Variants in CAMTA1 observed in about 807,000 individuals in gnomAD.
CAMTA1 encodes the protein calmodulin binding transcription activator 1, also known as calmodulin-binding transcription activator 1.
A neutral mutation model predicts 170.9 loss-of-function variants in CAMTA1; 27 were observed. The observed-to-expected ratio is 0.16, with a 90% confidence interval of 0.12 to 0.22. The LOEUF (loss-of-function observed/expected upper bound fraction) is 0.22, where lower values mean the gene tolerates loss of function less well. Ranked by LOEUF, CAMTA1 falls within the 10% of genes least tolerant of loss-of-function variation. CAMTA1 has a pLI of 1.00. For synonymous variants in CAMTA1, 833 were observed against 891.5 expected (o/e 0.93, Z 1.17); for missense variants, 1,619 against 2,217.2 (o/e 0.73, Z 5.42).
chr1:6,887,872 T>C lies in CAMTA1; in HGVS notation c.234+62662T>C. 7.1e-7 allele frequency: 1 copy of C among 1,412,550 alleles called. No individual in the cohort carries two copies. The allele number at this position is 1,412,550 out of a possible 1,614,324, so 87.5% of individuals were successfully genotyped here. A position where few individuals can be genotyped will look rare whatever the true frequency, so the allele number is the denominator to read the frequency against. ...GAACCGAATGTTACTAAAAATGAAA[T>C]AGAATAAAGTGACCTACTCTTGCCT... On this transcript the variant is annotated intron_variant, in intron 3 of 22. Transcript: ENST00000303635. This position sits in a 1 kb window ranked among gnomAD's most constrained non-coding sequence, Gnocchi z 4.1.
At chr1:7,464,576 G>C (rs935763006) in intron 5 of CAMTA1, among the ~76,000 whole-genome samples, 2 of 152,180 alleles carry the variant, frequency 1.3e-5, no homozygotes, top group Non-Finnish European at 2.9e-5. Flanking sequence ...CTGGGCTGTA[G>C]GGTGGTTTGG....
chr1:7,747,589 A>AT (rs1181724194), intron 18 of CAMTA1, 121 bp from the exon 19 acceptor site: 1 of 564,570 alleles, frequency 1.8e-6, no homozygotes, highest in African/African-American at 1.9e-5. Flanking sequence ...AATTATCAAT[A>AT]TTTTTTGGTA....
At chr1:7,374,040 A>G (rs1208136988) in intron 5 of CAMTA1, among the ~76,000 whole-genome samples, 1 of 152,188 alleles carries the variant, frequency 6.6e-6, no homozygotes, top group Non-Finnish European at 1.5e-5. Context: ...GCCCAGGGAG[A>G]AGGACCCAGA....
chr1:6,946,209 T>C (rs1296479790), intron 3 of CAMTA1, among the ~76,000 whole-genome samples: 8 of 151,930 alleles, frequency 5.3e-5, no homozygotes, highest in Non-Finnish European at 7.4e-5. Flanking sequence ...TTTCTTTTTT[T>C]AGAGACAAGG....
At chr1:7,097,690 C>T (rs959047307) in intron 4 of CAMTA1, among the ~76,000 whole-genome samples, 4 of 152,254 alleles carry the variant, frequency 2.6e-5, no homozygotes, top group Non-Finnish European at 5.9e-5. Context: ...AAATGCAATT[C>T]TGACACCTGC....
At chr1:6,941,348 A>G (rs1571905801) in intron 3 of CAMTA1, among the ~76,000 whole-genome samples, 1 of 152,138 alleles carries the variant, frequency 6.6e-6, no homozygotes, top group African/African-American at 2.4e-5. Flanking sequence ...GCCTTCTTGA[A>G]TCGCACACTT....
chr1:7,088,434 G>A (rs144610712), intron 3 of CAMTA1, among the ~76,000 whole-genome samples: 17 of 152,304 alleles, frequency 1.1e-4, no homozygotes, highest in African/African-American at 3.8e-4. Flanking sequence ...TGACTTGCCT[G>A]TACCCATCGC....
intron 4 of CAMTA1, among the ~76,000 whole-genome samples, chr1:7,186,563 G>T (rs1653314621): frequency 6.6e-6 from 1 of 152,166 alleles, no homozygotes; most frequent in African/African-American, 2.4e-5. Context: ...TGAGAATCTG[G>T]TGACCTGGGT....
chr1:6,798,034 T>C (rs954158601), intron 1 of CAMTA1, among the ~76,000 whole-genome samples: 4 of 151,210 alleles, frequency 2.6e-5, no homozygotes, highest in African/African-American at 9.7e-5. Context: ...CTTGCTCTTG[T>C]CCCCCAGGCT....
At chr1:7,298,604 C>T (rs969781289) in intron 5 of CAMTA1, among the ~76,000 whole-genome samples, 1 of 152,078 alleles carries the variant, frequency 6.6e-6, no homozygotes, top group Non-Finnish European at 1.5e-5. Flanking sequence ...CTAAAGGGCC[C>T]CAGGTTACCA....
chr1:7,270,633 A>G (rs1234660772), intron 5 of CAMTA1, among the ~76,000 whole-genome samples: 1 of 152,160 alleles, frequency 6.6e-6, no homozygotes, highest in Non-Finnish European at 1.5e-5. Context: ...AGGCTGATAG[A>G]AAATGTTACA....
intron 7 of CAMTA1, among the ~76,000 whole-genome samples, chr1:7,652,671 G>A (rs963341577): frequency 5.3e-5 from 8 of 152,138 alleles, no homozygotes; most frequent in East Asian, 1.9e-4. Context: ...TGAAGGGGCC[G>A]AGGGAAACCA....
In CAMTA1 at chr1:7,737,537, A is replaced by G; in HGVS notation, c.3625A>G (p.Lys1209Glu). Residue 1209 changes from lysine (K) to glutamate (E), a missense_variant, in exon 15 of 23, where the codon AAG (lysine) becomes GAG (glutamate). Coordinates refer to ENST00000303635, the MANE Select transcript of CAMTA1 (RefSeq NM_015215.4). ...SEAISSPEIP[K>E]GVTVIASTNP... is the part of the protein sequence containing the mutation. ...AGCCATCAGCTCTCCAGAAATACCCAAGGGAGTCACTGTTATTGCAAGCAC... is the reference window on the plus strand; with the variant it reads ...AGCCATCAGCTCTCCAGAAATACCCGAGGGAGTCACTGTTATTGCAAGCAC... The G allele has an allele frequency of 1.2e-6, 2 of 1,613,070 alleles. No homozygotes were observed. The highest frequency in any genetic ancestry group is 8.5e-7 in the Non-Finnish European group (1 of 1,179,326).
At chr1:7,418,975 G>A (rs1034283889) in intron 5 of CAMTA1, among the ~76,000 whole-genome samples, 8 of 152,118 alleles carry the variant, frequency 5.3e-5, no homozygotes, top group East Asian at 1.9e-4. Context: ...GTCACTGCCC[G>A]CCAGAAACCC....
At chr1:7,002,969 AACAT>A (rs1414856927) in intron 3 of CAMTA1, among the ~76,000 whole-genome samples, 3 of 145,678 alleles carry the variant, frequency 2.1e-5, no homozygotes, top group African/African-American at 8.5e-5. Flanking sequence ...TCCTTGAAGG[AACAT>A]GGTAAAGAGC....
Position 7,355,358 on chromosome 1 carries a change from C to T in CAMTA1, c.438+105732C>T, listed in dbSNP as rs924853048. On this transcript the variant is annotated intron_variant, in intron 5 of 22. Coordinates refer to ENST00000303635, the MANE Select transcript of CAMTA1 (RefSeq NM_015215.4). Reference sequence around the variant, plus strand: ...TGTAATGGTGCCACTGCACTCCAGCCTGGGCAACAGAGCAAGACCCTGTCT... The same window carrying T: ...TGTAATGGTGCCACTGCACTCCAGCTTGGGCAACAGAGCAAGACCCTGTCT... Among the ~76,000 whole-genome samples the T allele has an allele frequency of 3.9e-5, 6 of 152,170 alleles. No homozygotes were observed. In the East Asian group the frequency reaches 9.6e-4, roughly 24 times the overall value.
At chr1:7,179,992 TA>T (rs1651765007) in intron 4 of CAMTA1, among the ~76,000 whole-genome samples, 1 of 152,094 alleles carries the variant, frequency 6.6e-6, no homozygotes, top group African/African-American at 2.4e-5. Flanking sequence ...CTTGCTAGCA[TA>T]AAAAATGGAG....
intron 6 of CAMTA1, among the ~76,000 whole-genome samples, chr1:7,540,437 C>G (rs1324383885): frequency 1.3e-5 from 2 of 152,232 alleles, no homozygotes; most frequent in Admixed American, 6.5e-5. Context: ...CCTGCCACCC[C>G]CCACCCAGGA....
chr1:7,624,021 GT>G (rs1408155483), intron 6 of CAMTA1, among the ~76,000 whole-genome samples: 1 of 152,246 alleles, frequency 6.6e-6, no homozygotes, highest in Non-Finnish European at 1.5e-5. Context: ...GAACGGTGCT[GT>G]TCTGATTTCT....
Sources: allele counts gnomAD v4.1 joint callset (sites outside exome capture counted in the v4.1 genomes callset), GRCh38; gene constraint gnomAD v4.1.1; non-coding constraint Gnocchi (gnomAD v3.1); transcripts MANE v1.5; gene names NCBI Gene and HGNC (gene_info 2026-07-23, HGNC 2026-07-21).